Variants in XPR1 observed in about 807,000 individuals in gnomAD.
The protein encoded by XPR1 is solute carrier family 53 member 1.
XPR1 carries 28 observed loss-of-function variants against 87.5 expected under a neutral mutation model. That is an observed-to-expected ratio of 0.32 (90% CI 0.24 to 0.44). XPR1 has a LOEUF of 0.44. Among genes scored for constraint, XPR1 ranks in the 20% least tolerant of loss-of-function variants. The pLI, the probability that XPR1 is intolerant of heterozygous loss-of-function variation, is 1.00. For synonymous variants in XPR1, 300 were observed against 306.1 expected (o/e 0.98, Z 0.21); for missense variants, 559 against 862.3 (o/e 0.65, Z 4.41).
intron 2 of XPR1, among the ~76,000 whole-genome samples, chr1:180,767,391 G>A (rs1292498348): frequency 2.6e-5 from 4 of 152,128 alleles, no homozygotes; most frequent in African/African-American, 4.8e-5. Flanking sequence ...GTTTTCAAGC[G>A]AGAATAAACT....
At chr1:180,860,737 G>T (rs1396643188) in intron 11 of XPR1, among the ~76,000 whole-genome samples, 1 of 151,704 alleles carries the variant, frequency 6.6e-6, no homozygotes, top group Admixed American at 6.6e-5. Flanking sequence ...TATGGAGATG[G>T]TCTGTAACTT....
chr1:180,723,385 T>C (rs1273623182), intron 2 of XPR1, among the ~76,000 whole-genome samples: 1 of 152,216 alleles, frequency 6.6e-6, no homozygotes, highest in Non-Finnish European at 1.5e-5. Context: ...CTCCAATTAT[T>C]ATACCAGGGC....
At chr1:180,701,299 T>C (rs961240728) in intron 2 of XPR1, among the ~76,000 whole-genome samples, 1 of 70,874 alleles carries the variant, frequency 1.4e-5, no homozygotes. Context: ...TGTGCCAGTT[T>C]TCAAAGGGAA....
Position 180,690,837 on chromosome 1 carries a change from G to T in XPR1, c.121+8426G>T, listed in dbSNP as rs1203151583. Among the ~76,000 whole-genome samples the T allele has an allele frequency of 3.3e-5, 5 of 151,094 alleles. No individual in the cohort carries two copies. In the Admixed American group the frequency reaches 3.3e-4, roughly 10 times the overall value. On this transcript the variant is annotated intron_variant, in intron 2 of 14. Coordinates refer to ENST00000367590, the MANE Select transcript of XPR1 (RefSeq NM_004736.4). ...CACATCATTGAGTAGGAATAAAAGT[G>T]AATCCTTTTCCTCAATTCCTTGAAG...
chr1:180,715,763 G>T (rs1657971006), intron 2 of XPR1, among the ~76,000 whole-genome samples: 1 of 151,486 alleles, frequency 6.6e-6, no homozygotes, highest in African/African-American at 2.4e-5. Flanking sequence ...TGCAACCTCT[G>T]CCTCCCGGAA....
intron 11 of XPR1, among the ~76,000 whole-genome samples, chr1:180,862,810 C>T (rs2102206452): frequency 6.6e-6 from 1 of 152,078 alleles, no homozygotes; most frequent in Non-Finnish European, 1.5e-5. Flanking sequence ...AAAATTTAAA[C>T]TTTTTTGAAT....
At chr1:180,738,319 T>G (rs143182841) in intron 2 of XPR1, among the ~76,000 whole-genome samples, 1 of 152,306 alleles carries the variant, frequency 6.6e-6, no homozygotes, top group East Asian at 1.9e-4. Flanking sequence ...CCCATAACTT[T>G]ACAAGAAACT....
chr1:180,804,445 T>A (rs72723035), intron 4 of XPR1, among the ~76,000 whole-genome samples: 8,138 of 152,298 alleles, frequency 0.053, 309 homozygotes, highest in Non-Finnish European at 0.079. Flanking sequence ...AAAATCATAT[T>A]TTTTAAAAGT....
At chr1:180,781,823 A>G (rs924438658) in intron 2 of XPR1, among the ~76,000 whole-genome samples, 3 of 151,920 alleles carry the variant, frequency 2.0e-5, no homozygotes, top group African/African-American at 7.2e-5. Context: ...TCTTTTTGAG[A>G]CAGTCTCTGA....
chr1:180,731,342 G>A (rs1658550780), intron 2 of XPR1, among the ~76,000 whole-genome samples: 1 of 152,288 alleles, frequency 6.6e-6, no homozygotes, highest in South Asian at 2.1e-4. Flanking sequence ...TGCGGCCGAG[G>A]GGATGGAAGC....
In XPR1 at chr1:180,880,179, G is replaced by A. The variant is rs1368603184; in HGVS notation, c.1912G>A (p.Asp638Asn). ...DISVAPLNAD[D>N]QTLLEQMMDQ... ...CTCTGTGGCCCCCCTGAACGCAGATGATCAGACTCTCCTAGAACAGATGAT... is the reference window on the plus strand; with the variant it reads ...CTCTGTGGCCCCCCTGAACGCAGATAATCAGACTCTCCTAGAACAGATGAT... Residue 638 changes from aspartate to asparagine, a missense_variant, in exon 14 of 15, where the codon GAT (aspartate) becomes AAT (asparagine). Asp to Asn is a conservative substitution (Grantham distance 23). Coordinates refer to ENST00000367590, the MANE Select transcript of XPR1 (RefSeq NM_004736.4). The A allele has an allele frequency of 6.2e-7, 1 of 1,614,074 alleles. No individual in the cohort carries two copies. The highest frequency in any genetic ancestry group is 1.7e-5 in the Admixed American group (1 of 59,996).
In XPR1 at chr1:180,834,897, C is replaced by T. The variant is rs61742073; in HGVS notation, c.1158C>T (p.Phe386=). Residue 386 remains phenylalanine, a synonymous_variant, in exon 10 of 15, where the codon TTC becomes TTT. Transcript: ENST00000367590. ...KLLFRVFTAP[F]HKVGFADFWL... is the part of the protein sequence containing the mutation. Reference sequence around the variant, plus strand: ...AGTTTCGAGTATTTACAGCCCCCTTCCATAAGGTAGGCTTTGCTGATTTCT... The same window carrying T: ...AGTTTCGAGTATTTACAGCCCCCTTTCATAAGGTAGGCTTTGCTGATTTCT... 12,929 of 1,612,224 alleles carry T rather than the reference C, an allele frequency of 8.0e-3. 906 individuals carry two copies. In the African/African-American group the frequency reaches 0.15, roughly 18 times the overall value.
chr1:180,796,694 A>C (rs1255799655), intron 3 of XPR1, among the ~76,000 whole-genome samples: 1 of 152,218 alleles, frequency 6.6e-6, no homozygotes, highest in African/African-American at 2.4e-5. Flanking sequence ...ACATAGTTTA[A>C]AAAACTAGAA....
intron 3 of XPR1, among the ~76,000 whole-genome samples, chr1:180,790,743 G>A (rs999942763): frequency 2.0e-5 from 3 of 151,900 alleles, no homozygotes; most frequent in Admixed American, 6.6e-5. Flanking sequence ...GGGTTTCACC[G>A]TGTTAACCAG....
At chr1:180,734,404 A>G (rs140987591) in intron 2 of XPR1, among the ~76,000 whole-genome samples, 2 of 152,364 alleles carry the variant, frequency 1.3e-5, no homozygotes, top group Non-Finnish European at 2.9e-5. Flanking sequence ...GTGAGGGGTA[A>G]GGAAGAGGAA....
chr1:180,854,269 A>C (rs1478476228), intron 11 of XPR1, among the ~76,000 whole-genome samples: 1 of 152,244 alleles, frequency 6.6e-6, no homozygotes. Context: ...TCCAGCCAAA[A>C]CCAAATACAT....
intron 2 of XPR1, among the ~76,000 whole-genome samples, chr1:180,717,953 A>T (rs762656495): frequency 4.6e-5 from 7 of 152,204 alleles, no homozygotes; most frequent in Non-Finnish European, 8.8e-5. Context: ...AATAGAATTG[A>T]ATAGATATGA....
intron 2 of XPR1, among the ~76,000 whole-genome samples, chr1:180,711,206 C>T (rs1390582403): frequency 7.3e-5 from 11 of 150,286 alleles, no homozygotes; most frequent in Admixed American, 2.7e-4. Context: ...ACTTCCCAGA[C>T]AGGGTGGCGG....
intron 2 of XPR1, among the ~76,000 whole-genome samples, chr1:180,702,870 C>T (rs1571742474): frequency 6.6e-6 from 1 of 151,778 alleles, no homozygotes; most frequent in East Asian, 1.9e-4. Flanking sequence ...TTTCTTGCAT[C>T]CTTATGCTGA....
Sources: allele counts gnomAD v4.1 joint callset (sites outside exome capture counted in the v4.1 genomes callset), GRCh38; gene constraint gnomAD v4.1.1; transcripts MANE v1.5; gene names NCBI Gene and HGNC (gene_info 2026-07-23, HGNC 2026-07-21).